The following FOXP1 variants were observed in gnomAD, a reference collection of about 807,000 sequenced individuals.
FOXP1 encodes forkhead box protein P1.
A neutral mutation model predicts 98.2 loss-of-function variants in FOXP1; 15 were observed. The ratio of observed to expected loss-of-function variants is 0.15; its 90% CI spans 0.10 to 0.24. The LOEUF (loss-of-function observed/expected upper bound fraction) is 0.24. FOXP1 is among the 10% of genes least tolerant of loss of function. FOXP1 has a pLI of 1.00. For missense variants in FOXP1, 633 were observed against 848.5 expected (o/e 0.75, Z 3.15); for synonymous variants, 371 against 314.5 (o/e 1.18, Z -1.90).
chr3:71,373,319 C>G (rs2079478801), intron 3 of FOXP1, among the ~76,000 whole-genome samples: 1 of 73,090 alleles, frequency 1.4e-5, no homozygotes, highest in South Asian at 3.0e-4. Context: ...AAATGTTCGC[C>G]TTTACAAAAA....
intron 3 of FOXP1, among the ~76,000 whole-genome samples, chr3:71,403,151 G>C (rs916011525): frequency 1.3e-5 from 2 of 152,182 alleles, no homozygotes; most frequent in South Asian, 2.1e-4. Context: ...TGAGTGATCA[G>C]GAACAGTGAA....
intron 5 of FOXP1, among the ~76,000 whole-genome samples, chr3:71,267,132 T>A (rs1255829323): frequency 3.4e-4 from 52 of 151,588 alleles, no homozygotes; most frequent in East Asian, 2.9e-3. Context: ...AGAGTGTGTG[T>A]GTGTGTGTGT....
intron 7 of FOXP1, among the ~76,000 whole-genome samples, chr3:71,073,025 C>T (rs1284592576): frequency 1.3e-5 from 2 of 152,212 alleles, no homozygotes; most frequent in Non-Finnish European, 2.9e-5. Context: ...TTTCATCCTT[C>T]ATGAGGAAAA....
chr3:71,470,110 G>T (rs769104526), intron 3 of FOXP1, among the ~76,000 whole-genome samples: 3 of 151,636 alleles, frequency 2.0e-5, no homozygotes, highest in African/African-American at 4.8e-5. Flanking sequence ...CATAAAAAAG[G>T]AATTTTGAGT....
chr3:71,356,541 G>C (rs1237094467), intron 4 of FOXP1, among the ~76,000 whole-genome samples: 2 of 152,176 alleles, frequency 1.3e-5, no homozygotes, highest in Non-Finnish European at 2.9e-5. Flanking sequence ...GTACAATGCT[G>C]GCATTTATGA....
At chr3:71,299,544 C>T (rs962007268) in intron 5 of FOXP1, among the ~76,000 whole-genome samples, 10 of 152,046 alleles carry the variant, frequency 6.6e-5, no homozygotes, top group African/African-American at 2.4e-4. Flanking sequence ...ACCAAGTCAA[C>T]AAGAAACAAA....
intron 2 of FOXP1, among the ~76,000 whole-genome samples, chr3:71,553,929 T>G (rs976176839): frequency 6.6e-6 from 1 of 152,218 alleles, no homozygotes; most frequent in Non-Finnish European, 1.5e-5. Flanking sequence ...GTGATATATA[T>G]TGCAGTTTGG....
intron 7 of FOXP1, among the ~76,000 whole-genome samples, chr3:71,112,248 T>C (rs2058004442): frequency 6.6e-6 from 1 of 152,192 alleles, no homozygotes; most frequent in Non-Finnish European, 1.5e-5. Flanking sequence ...CTGAGTACTA[T>C]GAACTTTTCT....
chr3:71,037,427 T>C (rs754872632), intron 11 of FOXP1, among the ~76,000 whole-genome samples: 2 of 152,152 alleles, frequency 1.3e-5, no homozygotes, highest in Non-Finnish European at 2.9e-5. Flanking sequence ...AGCAAGACAA[T>C]TAGACAGGGA....
At chr3:71,018,995 A>C (rs2044974326) in intron 11 of FOXP1, among the ~76,000 whole-genome samples, 1 of 152,208 alleles carries the variant, frequency 6.6e-6, no homozygotes, top group Non-Finnish European at 1.5e-5. Context: ...CACCCGCTGC[A>C]TGTGTGGCTG....
At chr3:71,035,847 G>A (rs2047506007) in intron 11 of FOXP1, among the ~76,000 whole-genome samples, 1 of 152,038 alleles carries the variant, frequency 6.6e-6, no homozygotes, top group Non-Finnish European at 1.5e-5. Context: ...ATTTCAACAG[G>A]TCCTACATAT....
intron 7 of FOXP1, chr3:71,064,838 G>A (rs2052163152): frequency 2.0e-6 from 2 of 983,212 alleles, no homozygotes; most frequent in Non-Finnish European, 2.4e-6. Context: ...CACTCTCCAT[G>A]TAGCCGCCAG....
intron 11 of FOXP1, among the ~76,000 whole-genome samples, chr3:71,037,832 G>A (rs1017881773): frequency 5.9e-5 from 9 of 152,180 alleles, no homozygotes; most frequent in Non-Finnish European, 1.2e-4. Context: ...CACATGGGCC[G>A]CTCCTCCCGT....
In FOXP1 at chr3:71,109,888, C is replaced by G. The variant is rs1043282342; in HGVS notation, c.282+2648G>C. Among the ~76,000 whole-genome samples the G allele has an allele frequency of 1.1e-4, 17 of 152,086 alleles. No homozygotes were observed. The East Asian group carries it at 1.9e-3, about 17-fold the overall frequency. ...GTCCACCAACCTTTTAGATTTATTTCCCCCGGCCAAATCTTAAAGCTGGTC... is the reference window on the plus strand; with the variant it reads ...GTCCACCAACCTTTTAGATTTATTTGCCCCGGCCAAATCTTAAAGCTGGTC... On this transcript the variant is annotated intron_variant, in intron 7 of 20. Coordinates refer to ENST00000649528, the MANE Select transcript of FOXP1 (RefSeq NM_001349338.3).
chr3:70,973,821 G>A (rs533583290), intron 17 of FOXP1, among the ~76,000 whole-genome samples: 2 of 137,862 alleles, frequency 1.5e-5, no homozygotes, highest in South Asian at 5.3e-4. Context: ...TATTGCACAA[G>A]CGTTTTGCAC....
rs762803844 is a variant in FOXP1 at position 71,198,426 on chromosome 3, G to T, written c.-11-34C>A. 36 of 510,572 alleles carry T rather than the reference G, an allele frequency of 7.1e-5. 3 individuals are homozygous for T. Among genetic ancestry groups the T allele is most frequent in the Non-Finnish European group, 9.7e-5 (25 of 258,362 alleles). 31.6% of individuals were successfully genotyped at this position (510,572 alleles called of 1,614,324 possible). A position where few individuals can be genotyped will look rare whatever the true frequency, so the allele number is the denominator to read the frequency against. ...AGGATTTCCAAGATGGGGGGAGGGA[G>T]GGGGGGAGAAAAAAAAAGCAGCTGT... On this transcript the variant is annotated intron_variant, in intron 5 of 20. Coordinates refer to ENST00000649528, the MANE Select transcript of FOXP1 (RefSeq NM_001349338.3).
At chr3:71,454,199 T>C (rs974066018) in intron 3 of FOXP1, among the ~76,000 whole-genome samples, 2 of 152,186 alleles carry the variant, frequency 1.3e-5, no homozygotes, top group Non-Finnish European at 2.9e-5. Context: ...TAAGAGAAAG[T>C]GTCTCTAAAG....
At position 71,162,875 on chromosome 3, in the gene FOXP1, A is replaced by G. The variant is rs564270971; in HGVS notation, c.180+35327T>C. 1.5e-4 allele frequency among the ~76,000 whole-genome samples: 23 copies of G among 152,264 alleles called. No homozygotes were observed. In the East Asian group the frequency reaches 4.4e-3, roughly 29 times the overall value. On this transcript the variant is annotated intron_variant, in intron 6 of 20. Transcript: ENST00000649528. ...TGATCTCTTCATTTTTATTTTTTACATTTGATAAAATCTTCCCGGTAGCAT... is the reference window on the plus strand; with the variant it reads ...TGATCTCTTCATTTTTATTTTTTACGTTTGATAAAATCTTCCCGGTAGCAT...
At chr3:71,290,712 A>G (rs1053391281) in intron 5 of FOXP1, among the ~76,000 whole-genome samples, 4 of 152,170 alleles carry the variant, frequency 2.6e-5, no homozygotes, top group African/African-American at 9.7e-5. Flanking sequence ...AGTAGCCTTA[A>G]TCCAATATTC....
Sources: allele counts gnomAD v4.1 joint callset (sites outside exome capture counted in the v4.1 genomes callset), GRCh38; gene constraint gnomAD v4.1.1; transcripts MANE v1.5; gene names NCBI Gene and HGNC (gene_info 2026-07-23, HGNC 2026-07-21).